ESRRA: variants seen among roughly 807,000 people sequenced by gnomAD.
ESRRA encodes the protein steroid hormone receptor ERR1.
ESRRA carries 7 observed loss-of-function variants against 35.6 expected under a neutral mutation model. That is an observed-to-expected ratio of 0.20 (90% confidence interval 0.11 to 0.37). The LOEUF (loss-of-function observed/expected upper bound fraction) is 0.37, where lower values mean the gene tolerates loss of function less well. Ranked by LOEUF, ESRRA falls within the 10% of genes least tolerant of loss-of-function variation. ESRRA has a pLI of 1.00. For missense variants in ESRRA, 378 were observed against 561.7 expected, an observed-to-expected ratio of 0.67 and a Z score of 3.31; for synonymous variants, 223 against 246.9, an observed-to-expected ratio of 0.90 and a Z score of 0.91.
At chr11:64,309,005 A>G (rs1339607664) in intron 2 of ESRRA, among the ~76,000 whole-genome samples, 1 of 151,312 alleles carries the variant, frequency 6.6e-6, no homozygotes, top group East Asian at 1.9e-4. Flanking sequence ...ATCCCACTCA[A>G]GAGGCTGAGA....
At chr11:64,306,841 T>G in intron 1 of ESRRA, 1 of 240,052 alleles carries the variant, frequency 4.2e-6, no homozygotes. Flanking sequence ...TGGCTAGGGA[T>G]TCCAGGTGGG....
rs2035016388 is a variant in ESRRA, at chr11:64,305,672, G to C, written c.-77G>C. On this transcript the variant is annotated 5_prime_UTR_variant, in exon 1 of 7. Transcript: ENST00000000442. The surrounding 1 kb of genome is among the most constrained non-coding windows in gnomAD (Gnocchi z 5.8). ...GAGGAGGGGCCGCCCGCGGCCCCCG[G>C]CTCACTCCGGCACTCCGGGCCGCTC... 2.0e-5 allele frequency: 3 copies of C among 149,392 alleles called. No individual in the cohort carries two copies. Among genetic ancestry groups the C allele is most frequent in the Admixed American group, 2.0e-4 (3 of 15,018 alleles). The allele number at this position is 149,392 out of a possible 1,614,324, so 9.3% of individuals were successfully genotyped here.
In ESRRA at chr11:64,316,723, A is replaced by ATAT; in HGVS notation, c.*758_*760dup. The ATAT allele has an allele frequency of 3.1e-6, 2 of 645,610 alleles. No individual in the cohort carries two copies. Among genetic ancestry groups the ATAT allele is most frequent in the Middle Eastern group, 4.2e-4 (1 of 2,358 alleles). The allele number at this position is 645,610 out of a possible 1,614,324, so 40.0% of individuals were successfully genotyped here. A position where few individuals can be genotyped will look rare whatever the true frequency, so the allele number is the denominator to read the frequency against. ...TTTAAACCTTTAATGAGAAAAAAAT[A>ATAT]TATAATACCGAGCTCAAAAACACTG... On this transcript the variant is annotated 3_prime_UTR_variant, in exon 7 of 7. Transcript: ENST00000000442.
At chr11:64,312,062 T>C (rs1253155176) in intron 2 of ESRRA, among the ~76,000 whole-genome samples, 1 of 145,488 alleles carries the variant, frequency 6.9e-6, no homozygotes, top group African/African-American at 2.5e-5. Context: ...CACTGCAGCC[T>C]CTGCCTCCCG....
chr11:64,314,791 A>C lies in ESRRA; in HGVS notation c.622A>C (p.Lys208Gln), dbSNP rs2035208637. The C allele has an allele frequency of 6.2e-7, 1 of 1,612,334 alleles. No individual in the cohort carries two copies. Among genetic ancestry groups the C allele is most frequent in the South Asian group, 1.1e-5 (1 of 91,010 alleles). The change falls in exon 5 of 7, where the codon AAG becomes CAG. Residue 208 changes from lysine (K) to glutamine (Q), a missense_variant. Around this residue, in one of 4 missense-constraint regions of ESRRA, gnomAD observed 284 missense variants for 411.7 expected, o/e 0.69. Coordinates refer to ENST00000000442, the MANE Select transcript of ESRRA (RefSeq NM_004451.5). ...VSHLLVVEPE[K>Q]LYAMPDPAGP... Reference sequence around the variant, plus strand: ...TCATCTGCTGGTGGTTGAGCCTGAGAAGCTCTATGCCATGCCTGACCCCGC... The same window carrying C: ...TCATCTGCTGGTGGTTGAGCCTGAGCAGCTCTATGCCATGCCTGACCCCGC...
Position 64,307,329 on chromosome 11 carries a change from C to G in ESRRA, c.150C>G (p.His50Gln). 6.2e-7 allele frequency: 1 copy of G among 1,612,896 alleles called. No individual in the cohort carries two copies. The highest frequency in any genetic ancestry group is 8.5e-7 in the Non-Finnish European group (1 of 1,179,730). ...GPAPTRCLPG[H>Q]KEEEDGEGAG... Reference sequence around the variant, plus strand: ...CTCCCACTCGCTGCCTCCCAGGCCACAAGGAAGAGGAGGATGGGGAGGGGG... The same window carrying G: ...CTCCCACTCGCTGCCTCCCAGGCCAGAAGGAAGAGGAGGATGGGGAGGGGG... The change falls in exon 2 of 7, where the codon CAC becomes CAG. Residue 50 changes from histidine to glutamine, a missense_variant. Coordinates refer to ENST00000000442, the MANE Select transcript of ESRRA (RefSeq NM_004451.5).
intron 3 of ESRRA, 53 bp downstream of exon 3, chr11:64,314,120 C>G (rs2035192477): frequency 6.4e-7 from 1 of 1,551,986 alleles, no homozygotes; most frequent in Admixed American, 1.9e-5. Context: ...GGACCCGGGC[C>G]AGGTGGGGGT....
At chr11:64,307,119 A>G in intron 1 of ESRRA, 49 bp from the exon 2 acceptor site, 1 of 1,450,596 alleles carries the variant, frequency 6.9e-7, no homozygotes, top group Non-Finnish European at 9.3e-7. Context: ...GGTGTCTCCC[A>G]TCCCCCATAC....
chr11:64,315,802 G>A lies in ESRRA; in HGVS notation c.1108G>A (p.Gly370Arg), dbSNP rs776573985. 3.0e-5 allele frequency: 49 copies of A among 1,612,914 alleles called. No homozygotes were observed. Among genetic ancestry groups the A allele is most frequent in the Non-Finnish European group, 3.7e-5 (44 of 1,179,444 alleles). Residue 370 changes from glycine to arginine, a missense_variant, in exon 7 of 7, where the codon GGA (glycine) becomes AGA (arginine). Physicochemically the swap from Gly to Arg is moderately radical, Grantham distance 125. Around this residue, in one of 4 missense-constraint regions of ESRRA, gnomAD observed 284 missense variants for 411.7 expected, o/e 0.69. Transcript: ENST00000000442. ...GTATGAAGCCGGCCGGGCTGGCCCC[G>A]GAGGGGGTGCTGAGCGGCGGCGGGC... ...LEYEAGRAGP[G>R]GGAERRRAGR... is the part of the protein sequence containing the mutation.
At chr11:64,312,185 G>T (rs2035154463) in intron 2 of ESRRA, among the ~76,000 whole-genome samples, 2 of 151,356 alleles carry the variant, frequency 1.3e-5, no homozygotes, top group South Asian at 4.2e-4. Context: ...TGTCACCCAG[G>T]CTGGAGTGCA....
At chr11:64,309,227 G>A (rs1375441889) in intron 2 of ESRRA, among the ~76,000 whole-genome samples, 1 of 152,126 alleles carries the variant, frequency 6.6e-6, no homozygotes, top group African/African-American at 2.4e-5. Context: ...GAGGTCAGGA[G>A]TTCGAGACCA....
At chr11:64,309,210 G>A (rs1011124086) in intron 2 of ESRRA, among the ~76,000 whole-genome samples, 2 of 151,754 alleles carry the variant, frequency 1.3e-5, no homozygotes, top group Non-Finnish European at 2.9e-5. Context: ...TGAGGCAGAC[G>A]GATCACGAGG....
rs1182998472 is a variant in ESRRA, at chr11:64,316,653, C to T, written c.*687C>T. On this transcript the variant is annotated 3_prime_UTR_variant, in exon 7 of 7. Coordinates refer to ENST00000000442, the MANE Select transcript of ESRRA (RefSeq NM_004451.5). ...CCCAGAGCCCTTGGCTGTACAGAGA[C>T]TCTATTTTAATGTATATTTGCTGCA... is the stretch of plus-strand genomic sequence containing the variant. The T allele has an allele frequency of 1.7e-6, 1 of 573,298 alleles. No homozygotes were observed. Among genetic ancestry groups the T allele is most frequent in the East Asian group, 3.0e-5 (1 of 32,888 alleles). 35.5% of individuals were successfully genotyped at this position (573,298 alleles called of 1,614,324 possible). A position where few individuals can be genotyped will look rare whatever the true frequency, so the allele number is the denominator to read the frequency against.
chr11:64,307,810 C>T (rs1304519840), intron 2 of ESRRA, among the ~76,000 whole-genome samples: 2 of 152,156 alleles, frequency 1.3e-5, no homozygotes, highest in African/African-American at 2.4e-5. Flanking sequence ...GTTCTTGTTT[C>T]TGGCAGCTTC....
chr11:64,306,930 G>T (rs1292528643), intron 1 of ESRRA: 2 of 386,096 alleles, frequency 5.2e-6, no homozygotes, highest in Non-Finnish European at 9.2e-6. Flanking sequence ...CCTCCCCCAG[G>T]TTCCCAAGGG....
chr11:64,313,870 G>A lies in ESRRA; in HGVS notation c.326-81G>A. 1 of 944,396 alleles carries A rather than the reference G, an allele frequency of 1.1e-6. No individual in the cohort carries two copies. Among genetic ancestry groups the A allele is most frequent in the Admixed American group, 2.4e-5 (1 of 41,768 alleles). 58.5% of individuals were successfully genotyped at this position (944,396 alleles called of 1,614,324 possible). A position where few individuals can be genotyped will look rare whatever the true frequency, so the allele number is the denominator to read the frequency against. ...TACCCCCAGACCTGTGCTTGCCCGG[G>A]GAGAGTCAGGGCTCTCCTGTCAGCT... On this transcript the variant is annotated intron_variant, in intron 2 of 6. Transcript: ENST00000000442. The surrounding 1 kb of genome is among the most constrained non-coding windows in gnomAD (Gnocchi z 4.0).
In ESRRA at chr11:64,311,722, C is replaced by T. The variant is rs557407781; in HGVS notation, c.326-2229C>T. On this transcript the variant is annotated intron_variant, in intron 2 of 6. Transcript: ENST00000000442. Reference sequence around the variant, plus strand: ...GCCTCTTTTTTTTTTTAGACAGAGTCTCACTCTGTTGCCAGGCTATAGTAC... The same window carrying T: ...GCCTCTTTTTTTTTTTAGACAGAGTTTCACTCTGTTGCCAGGCTATAGTAC... Among the ~76,000 whole-genome samples the T allele has an allele frequency of 1.5e-4, 22 of 144,212 alleles. 1 individual carries two copies. The highest frequency in any genetic ancestry group is 4.0e-3 in the Middle Eastern group (1 of 250). 94.6% of individuals were successfully genotyped at this position (144,212 alleles called of 152,430 possible).
At position 64,307,516 on chromosome 11, in the gene ESRRA, G is replaced by T. The variant is rs1282964342; in HGVS notation, c.325+12G>T. The T allele has an allele frequency of 6.7e-7, 1 of 1,497,312 alleles. No homozygotes were observed. Among genetic ancestry groups the T allele is most frequent in the Non-Finnish European group, 8.9e-7 (1 of 1,122,056 alleles). The allele number at this position is 1,497,312 out of a possible 1,614,324, so 92.8% of individuals were successfully genotyped here. A position where few individuals can be genotyped will look rare whatever the true frequency, so the allele number is the denominator to read the frequency against. On this transcript the variant is annotated intron_variant, in intron 2 of 6. Coordinates refer to ENST00000000442, the MANE Select transcript of ESRRA (RefSeq NM_004451.5). The stretch of plus-strand genomic sequence containing the variant: ...GAGGACCATCCAGGGTGAGCCCCCA[G>T]CCCACTCCCCTGTCCTTTGCCCTGC...
chr11:64,316,224 G>C lies in ESRRA; in HGVS notation c.*258G>C. ...ATAACGTGCCCCCAGAGTGTAGGGG[G>C]CCTTGCGGAAGCCATAGGGGGCTGC... On this transcript the variant is annotated 3_prime_UTR_variant, in exon 7 of 7. Transcript: ENST00000000442. 2.3e-6 allele frequency: 1 copy of C among 436,292 alleles called. No individual in the cohort carries two copies. Among genetic ancestry groups the C allele is most frequent in the East Asian group, 3.6e-5 (1 of 27,406 alleles). 27.0% of individuals were successfully genotyped at this position (436,292 alleles called of 1,614,324 possible).
Sources: allele counts gnomAD v4.1 joint callset (sites outside exome capture counted in the v4.1 genomes callset), GRCh38; gene constraint gnomAD v4.1.1; regional missense constraint gnomAD v4.1.1; non-coding constraint Gnocchi (gnomAD v3.1); transcripts MANE v1.5; gene names NCBI Gene and HGNC (gene_info 2026-07-23, HGNC 2026-07-21).